CADM2: variants seen among roughly 807,000 people sequenced by gnomAD.
CADM2 encodes the protein immunoglobulin superfamily member 4D.
A neutral mutation model predicts 49.8 loss-of-function variants in CADM2; 12 were observed. The ratio of observed to expected loss-of-function variants is 0.24; its 90% CI spans 0.15 to 0.39. The LOEUF (loss-of-function observed/expected upper bound fraction) is 0.39. Among genes scored for constraint, CADM2 ranks in the 10% least tolerant of loss-of-function variants. The pLI is 1.00. For synonymous variants in CADM2, 214 were observed against 175.4 expected (o/e 1.22, Z -1.74); for missense variants, 378 against 492.3 (o/e 0.77, Z 2.20).
At chr3:85,077,486 T>A (rs1427759837) in intron 1 of CADM2, among the ~76,000 whole-genome samples, 1 of 152,108 alleles carries the variant, frequency 6.6e-6, no homozygotes, top group Non-Finnish European at 1.5e-5. Flanking sequence ...GTATGTGCAC[T>A]GTTGCCCTGA....
chr3:85,985,614 C>T (rs1727998630), intron 8 of CADM2, among the ~76,000 whole-genome samples: 2 of 152,036 alleles, frequency 1.3e-5, no homozygotes, highest in Admixed American at 1.3e-4. Context: ...CCATATAATG[C>T]CATTGTATTT....
intron 1 of CADM2, among the ~76,000 whole-genome samples, chr3:85,652,425 T>C (rs949950593): frequency 2.6e-5 from 4 of 152,184 alleles, no homozygotes; most frequent in Admixed American, 2.6e-4. Context: ...GGTCCTATAA[T>C]TCACAGTATC....
At chr3:85,876,709 T>C (rs1711897737) in intron 3 of CADM2, among the ~76,000 whole-genome samples, 1 of 152,084 alleles carries the variant, frequency 6.6e-6, no homozygotes, top group African/African-American at 2.4e-5. Context: ...AATATAACAC[T>C]TAAGGAAAGA....
chr3:85,621,400 C>T (rs562105476), intron 1 of CADM2, among the ~76,000 whole-genome samples: 54 of 152,160 alleles, frequency 3.5e-4, no homozygotes, highest in African/African-American at 1.2e-3. Context: ...TCTACAGACA[C>T]GTCATATTCC....
At chr3:85,268,349 T>C (rs2043165251) in intron 1 of CADM2, among the ~76,000 whole-genome samples, 1 of 151,502 alleles carries the variant, frequency 6.6e-6, no homozygotes, top group Admixed American at 6.6e-5. Context: ...AGGATTTACC[T>C]AGTGTGGCAT....
At chr3:85,438,076 A>T in intron 1 of CADM2, among the ~76,000 whole-genome samples, 1 of 152,160 alleles carries the variant, frequency 6.6e-6, no homozygotes, top group Non-Finnish European at 1.5e-5. Flanking sequence ...CAACAATAGA[A>T]AAAATAATGT....
intron 1 of CADM2, among the ~76,000 whole-genome samples, chr3:85,125,623 A>C (rs1297200736): frequency 6.6e-6 from 1 of 152,150 alleles, no homozygotes; most frequent in Non-Finnish European, 1.5e-5. Context: ...GCCTCCTCCC[A>C]AAGTGCTGGG....
chr3:85,196,914 A>G (rs2041358047), intron 1 of CADM2, among the ~76,000 whole-genome samples: 1 of 151,934 alleles, frequency 6.6e-6, no homozygotes, highest in Admixed American at 6.6e-5. Context: ...TTCTTTGTTG[A>G]TGAATAAATT....
intron 2 of CADM2, among the ~76,000 whole-genome samples, chr3:85,764,602 G>A (rs910503698): frequency 6.6e-6 from 1 of 151,930 alleles, no homozygotes. Flanking sequence ...ACTTAACAAG[G>A]AATATTTTCT....
At chr3:85,436,208 A>T (rs2036922015) in intron 1 of CADM2, among the ~76,000 whole-genome samples, 1 of 152,038 alleles carries the variant, frequency 6.6e-6, no homozygotes, top group Non-Finnish European at 1.5e-5. Context: ...TTCACTCATG[A>T]TTTGACTCTC....
chr3:85,931,956 G>T (rs1040142466), intron 6 of CADM2, among the ~76,000 whole-genome samples: 7 of 150,976 alleles, frequency 4.6e-5, no homozygotes, highest in African/African-American at 1.2e-4. Context: ...TAAGAGAAAA[G>T]ATTAATTATG....
chr3:85,445,447 A>T (rs1056098740), intron 1 of CADM2, among the ~76,000 whole-genome samples: 3 of 152,102 alleles, frequency 2.0e-5, no homozygotes, highest in Admixed American at 6.6e-5. Flanking sequence ...GAGATTAAGT[A>T]GATAAAACAT....
intron 1 of CADM2, among the ~76,000 whole-genome samples, chr3:85,187,052 A>G (rs1216909792): frequency 2.0e-5 from 3 of 152,174 alleles, no homozygotes; most frequent in African/African-American, 7.2e-5. Flanking sequence ...GTCATTACAT[A>G]TATTATTTAA....
At chr3:85,491,611 C>T (rs534357857) in intron 1 of CADM2, among the ~76,000 whole-genome samples, 1 of 151,964 alleles carries the variant, frequency 6.6e-6, no homozygotes, top group East Asian at 1.9e-4. Context: ...CATCTGTTCC[C>T]GGAAATGTAC....
chr3:85,527,222 A>G (rs1174301284), intron 1 of CADM2, among the ~76,000 whole-genome samples: 1 of 151,748 alleles, frequency 6.6e-6, no homozygotes, highest in African/African-American at 2.4e-5. Context: ...TGGTCTCTAC[A>G]AAATATTTAA....
intron 8 of CADM2, among the ~76,000 whole-genome samples, chr3:86,044,119 C>G (rs1736324478): frequency 6.6e-6 from 1 of 152,150 alleles, no homozygotes; most frequent in African/African-American, 2.4e-5. Context: ...TAGAAGAAAA[C>G]CTAAGCAATA....
At chr3:86,005,238 TTTTA>T (rs1264450069) in intron 8 of CADM2, among the ~76,000 whole-genome samples, 2 of 152,208 alleles carry the variant, frequency 1.3e-5, no homozygotes, top group Admixed American at 6.5e-5. Context: ...CCAGGAATTA[TTTTA>T]TTTATTTTGT....
At chr3:85,188,782 A>C (rs990084407) in intron 1 of CADM2, among the ~76,000 whole-genome samples, 12 of 152,118 alleles carry the variant, frequency 7.9e-5, no homozygotes, top group Non-Finnish European at 1.8e-4. Context: ...CTGTAATCCC[A>C]GCACTTTGGG....
intron 7 of CADM2, among the ~76,000 whole-genome samples, chr3:85,953,716 A>T (rs1723718276): frequency 6.6e-6 from 1 of 150,926 alleles, no homozygotes; most frequent in Non-Finnish European, 1.5e-5. Context: ...TTAGTTTTTT[A>T]TACACCTCAC....
Sources: gnomAD v4.1 joint callset for allele counts (sites outside exome capture counted in the v4.1 genomes callset) on GRCh38, gnomAD v4.1.1 for gene constraint, MANE v1.5 for transcripts, NCBI Gene and HGNC (gene_info 2026-07-23, HGNC 2026-07-21) for gene names.